ADGRL3: variants seen among roughly 807,000 people sequenced by gnomAD.
ADGRL3 encodes the protein adhesion G protein-coupled receptor L3, also known as calcium-independent alpha-latrotoxin receptor 3.
In ADGRL3, 62 loss-of-function variants were observed where a neutral mutation model predicts 153.5. The observed-to-expected ratio is 0.40, with a 90% CI of 0.33 to 0.50. ADGRL3 has a LOEUF of 0.50. Among genes scored for constraint, ADGRL3 ranks in the 20% least tolerant of loss-of-function variants. The pLI is 0.47. For missense variants in ADGRL3, 1,641 were observed against 1,859.4 expected (o/e 0.88, Z 2.16); for synonymous variants, 710 against 672.5 (o/e 1.06, Z -0.86).
At chr4:61,318,257 G>C (rs1323749490) in intron 1 of ADGRL3, among the ~76,000 whole-genome samples, 2 of 148,206 alleles carry the variant, frequency 1.3e-5, no homozygotes, top group Non-Finnish European at 3.0e-5. Context: ...AAATATATAG[G>C]ATAATATTAT....
rs1324430912 is a variant in ADGRL3 at position 61,236,237 on chromosome 4, T to C, written c.-240+34472T>C. Among the ~76,000 whole-genome samples, 5 of 152,078 alleles carry C rather than the reference T, an allele frequency of 3.3e-5. No homozygotes were observed. The South Asian group carries it at 1.0e-3, about 31-fold the overall frequency. Reference sequence around the variant, plus strand: ...GTTGGCCAGGCTGGTCTCGAACTCCTGACCTCAGGTGATCTGCCCACCTTG... The same window carrying C: ...GTTGGCCAGGCTGGTCTCGAACTCCCGACCTCAGGTGATCTGCCCACCTTG... On this transcript the variant is annotated intron_variant, in intron 1 of 26. Transcript: ENST00000683033.
In ADGRL3 at chr4:62,070,112, G is replaced by A. The variant is rs759873852; in HGVS notation, c.3836G>A (p.Gly1279Glu). 9 of 1,608,944 alleles carry A rather than the reference G, an allele frequency of 5.6e-6. No homozygotes were observed. The highest frequency in any genetic ancestry group is 7.6e-6 in the Non-Finnish European group (9 of 1,176,950). ...LNREPYRETK[G>E]LLNNARDTSV... is the part of the protein sequence containing the mutation. ...AGTATCTTGTAATCTTTTTCAGAGG[G>A]GCTTCTGAACAATGCCAGGGATACA... The change falls in exon 27 of 27, where the codon GGG becomes GAG. Residue 1279 changes from glycine to glutamate, a missense_variant. Physicochemically the swap from Gly to Glu is moderately conservative, Grantham distance 98 (BLOSUM62 -2). Around this residue, in one of 5 missense-constraint regions of ADGRL3, gnomAD observed 517 missense variants for 555.0 expected, o/e 0.93. Coordinates refer to ENST00000683033, the MANE Select transcript of ADGRL3 (RefSeq NM_001387552.1).
chr4:61,693,171 A>G (rs2095572439), intron 6 of ADGRL3, among the ~76,000 whole-genome samples: 2 of 152,096 alleles, frequency 1.3e-5, no homozygotes, highest in South Asian at 2.1e-4. Context: ...AAAAGTAATA[A>G]TTGGAATAAT....
chr4:61,439,437 G>A (rs1279456316), intron 2 of ADGRL3, among the ~76,000 whole-genome samples: 1 of 152,164 alleles, frequency 6.6e-6, no homozygotes, highest in Non-Finnish European at 1.5e-5. Flanking sequence ...GAAAACAGAT[G>A]TAAATGTTGT....
chr4:61,898,346 G>A (rs79225461), intron 11 of ADGRL3, among the ~76,000 whole-genome samples: 5 of 152,192 alleles, frequency 3.3e-5, no homozygotes, highest in African/African-American at 1.2e-4. Flanking sequence ...ATCATCTAGA[G>A]CCAAGAAGAT....
At chr4:61,554,756 A>G (rs1374137218) in intron 4 of ADGRL3, among the ~76,000 whole-genome samples, 1 of 152,176 alleles carries the variant, frequency 6.6e-6, no homozygotes, top group East Asian at 1.9e-4. Context: ...CTGTCCCCTT[A>G]GGTTATGGAG....
At chr4:61,320,876 T>G (rs2150748539) in intron 1 of ADGRL3, among the ~76,000 whole-genome samples, 1 of 152,294 alleles carries the variant, frequency 6.6e-6, no homozygotes, top group Middle Eastern at 3.4e-3. Flanking sequence ...CCAAGATGTT[T>G]TCAGGGCAGA....
intron 8 of ADGRL3, among the ~76,000 whole-genome samples, chr4:61,781,399 G>A (rs1447830941): frequency 1.3e-5 from 2 of 150,460 alleles, no homozygotes; most frequent in Admixed American, 6.6e-5. Context: ...AATGAAATAA[G>A]TACTTTTAAG....
intron 9 of ADGRL3, among the ~76,000 whole-genome samples, chr4:61,869,325 G>A (rs1282319035): frequency 1.3e-5 from 2 of 152,088 alleles, no homozygotes; most frequent in African/African-American, 4.8e-5. Flanking sequence ...GAGGCCGGGC[G>A]CGGTGGCTCA....
At chr4:61,831,459 A>G (rs1159442568) in intron 9 of ADGRL3, among the ~76,000 whole-genome samples, 2 of 140,944 alleles carry the variant, frequency 1.4e-5, no homozygotes, top group Admixed American at 7.1e-5. Flanking sequence ...TAAGTGGGGG[A>G]TAACCAGGAG....
intron 25 of ADGRL3, among the ~76,000 whole-genome samples, chr4:62,052,595 G>T (rs1213796939): frequency 6.6e-6 from 1 of 151,400 alleles, no homozygotes; most frequent in African/African-American, 2.4e-5. Context: ...GGCTTAGATT[G>T]TAAGAAGAAT....
chr4:61,244,075 CT>C (rs1756085814), intron 1 of ADGRL3, among the ~76,000 whole-genome samples: 1 of 151,992 alleles, frequency 6.6e-6, no homozygotes, highest in African/African-American at 2.4e-5. Context: ...CTTTCCCTAT[CT>C]GTCATATTTT....
intron 19 of ADGRL3, among the ~76,000 whole-genome samples, chr4:61,991,051 T>C (rs186289261): frequency 2.0e-5 from 3 of 151,910 alleles, no homozygotes; most frequent in Non-Finnish European, 1.5e-5. Context: ...GTAAACAGTA[T>C]GTATATATGT....
intron 9 of ADGRL3, among the ~76,000 whole-genome samples, chr4:61,849,789 G>T (rs1265385802): frequency 6.6e-6 from 1 of 152,064 alleles, no homozygotes; most frequent in Non-Finnish European, 1.5e-5. Flanking sequence ...AAGAGAAAAT[G>T]CAATCAACAT....
At chr4:61,241,598 T>A (rs1190716672) in intron 1 of ADGRL3, among the ~76,000 whole-genome samples, 1 of 152,086 alleles carries the variant, frequency 6.6e-6, no homozygotes, top group Non-Finnish European at 1.5e-5. Context: ...AAACAAAATG[T>A]GCAGTTTGAA....
At chr4:61,452,673 T>G (rs1433849565) in intron 2 of ADGRL3, among the ~76,000 whole-genome samples, 2 of 152,206 alleles carry the variant, frequency 1.3e-5, no homozygotes, top group African/African-American at 4.8e-5. Flanking sequence ...TTTTCTCATT[T>G]TCACTAACAT....
At chr4:61,339,906 A>G (rs2095768935) in intron 1 of ADGRL3, among the ~76,000 whole-genome samples, 1 of 151,996 alleles carries the variant, frequency 6.6e-6, no homozygotes. Flanking sequence ...TCTAGAGGAG[A>G]TGCTCTGGCA....
At chr4:61,257,795 T>G (rs2092119545) in intron 1 of ADGRL3, among the ~76,000 whole-genome samples, 1 of 152,208 alleles carries the variant, frequency 6.6e-6, no homozygotes, top group African/African-American at 2.4e-5. Context: ...ATTATTTCAC[T>G]TCATACCATT....
intron 4 of ADGRL3, among the ~76,000 whole-genome samples, chr4:61,581,818 G>A (rs1475639486): frequency 6.6e-6 from 1 of 151,954 alleles, no homozygotes; most frequent in African/African-American, 2.4e-5. Context: ...TACCTTACAT[G>A]TTCAGTCAGT....
Sources: gnomAD v4.1 joint callset for allele counts (sites outside exome capture counted in the v4.1 genomes callset) on GRCh38, gnomAD v4.1.1 for gene constraint, gnomAD v4.1.1 regional missense constraint, MANE v1.5 for transcripts, NCBI Gene and HGNC (gene_info 2026-07-23, HGNC 2026-07-21) for gene names.